TMEM267: variants seen among roughly 807,000 people sequenced by gnomAD.
TMEM267 encodes transmembrane protein C5orf28.
TMEM267 carries 20 observed loss-of-function variants against 19.3 expected under a neutral mutation model. The ratio of observed to expected loss-of-function variants is 1.04; its 90% CI spans 0.73 to 1.51. The LOEUF (loss-of-function observed/expected upper bound fraction) is 1.51. TMEM267 is among the 40% of genes most tolerant of loss of function. TMEM267 has a pLI of 0.00. For synonymous variants in TMEM267, 88 were observed against 90.3 expected (o/e 0.97, Z 0.15); for missense variants, 242 against 261.9 (o/e 0.92, Z 0.52).
chr5:43,471,270 G>A (rs983522522), intron 1 of TMEM267, among the ~76,000 whole-genome samples: 2 of 151,912 alleles, frequency 1.3e-5, no homozygotes, highest in Non-Finnish European at 2.9e-5. Flanking sequence ...GTATAAAACA[G>A]TGAAGAAAGA....
At chr5:43,470,666 C>G (rs1228536628) in intron 1 of TMEM267, among the ~76,000 whole-genome samples, 1 of 152,124 alleles carries the variant, frequency 6.6e-6, no homozygotes, top group Non-Finnish European at 1.5e-5. Flanking sequence ...AGCTTTTCCT[C>G]TAAGATCTGG....
At chr5:43,449,597 C>G (rs867283489) in intron 2 of TMEM267, among the ~76,000 whole-genome samples, 2 of 152,188 alleles carry the variant, frequency 1.3e-5, no homozygotes, top group Non-Finnish European at 2.9e-5. Context: ...AAGCCCTCCA[C>G]GCAAAAGATA....
intron 1 of TMEM267, among the ~76,000 whole-genome samples, chr5:43,474,240 A>C (rs560535015): frequency 6.6e-6 from 1 of 152,372 alleles, no homozygotes; most frequent in Non-Finnish European, 1.5e-5. Context: ...AATGGCAACA[A>C]AAGCCAAAAT....
At chr5:43,472,017 GA>G (rs1362400942) in intron 1 of TMEM267, among the ~76,000 whole-genome samples, 1 of 151,812 alleles carries the variant, frequency 6.6e-6, no homozygotes, top group Non-Finnish European at 1.5e-5. Flanking sequence ...CAGAGAACGG[GA>G]AAAAATATTT....
intron 1 of TMEM267, among the ~76,000 whole-genome samples, chr5:43,479,293 G>A (rs1744616020): frequency 6.6e-6 from 1 of 151,852 alleles, no homozygotes; most frequent in East Asian, 1.9e-4. Context: ...CTGGAAGACT[G>A]TTTATTTGGT....
chr5:43,474,773 A>T (rs1029869577), intron 1 of TMEM267, among the ~76,000 whole-genome samples: 9 of 151,992 alleles, frequency 5.9e-5, no homozygotes, highest in African/African-American at 1.7e-4. Flanking sequence ...AAAAAAAAAA[A>T]AAAAAATGAA....
chr5:43,448,184 C>T (rs1225397996), intron 2 of TMEM267, among the ~76,000 whole-genome samples: 1 of 152,188 alleles, frequency 6.6e-6, no homozygotes, highest in African/African-American at 2.4e-5. Context: ...CTCTCACCTA[C>T]GGTCTGAACA....
At chr5:43,471,386 T>C (rs1328184076) in intron 1 of TMEM267, among the ~76,000 whole-genome samples, 6 of 151,758 alleles carry the variant, frequency 4.0e-5, no homozygotes, top group South Asian at 2.1e-4. Flanking sequence ...ATAGATTCAA[T>C]GCAATCCCTA....
chr5:43,480,456 G>C (rs1240143440), intron 1 of TMEM267, among the ~76,000 whole-genome samples: 1 of 151,998 alleles, frequency 6.6e-6, no homozygotes, highest in Non-Finnish European at 1.5e-5. Flanking sequence ...TGGGACTACA[G>C]GCAAGTGCCA....
At chr5:43,452,605 GAAGAA>G (rs573039012) in intron 2 of TMEM267, among the ~76,000 whole-genome samples, 56 of 141,248 alleles carry the variant, frequency 4.0e-4, no homozygotes, top group African/African-American at 6.3e-4. Flanking sequence ...AAAAAAAACT[GAAGAA>G]AAGAAAAGTA....
At chr5:43,465,095 C>T (rs914384129) in intron 1 of TMEM267, among the ~76,000 whole-genome samples, 1 of 152,104 alleles carries the variant, frequency 6.6e-6, no homozygotes, top group Admixed American at 6.5e-5. Flanking sequence ...ACAATGAACT[C>T]AAACAAATTT....
chr5:43,445,998 G>C lies in TMEM267; in HGVS notation c.*224C>G. 1 of 285,400 alleles carries C rather than the reference G, an allele frequency of 3.5e-6. No individual in the cohort carries two copies. Among genetic ancestry groups the C allele is most frequent in the Non-Finnish European group, 6.4e-6 (1 of 155,050 alleles). The allele number at this position is 285,400 out of a possible 1,614,324, so 17.7% of individuals were successfully genotyped here. A position where few individuals can be genotyped will look rare whatever the true frequency, so the allele number is the denominator to read the frequency against. On this transcript the variant is annotated 3_prime_UTR_variant, in exon 3 of 3. Transcript: ENST00000397080. ...AGTAAAAATATATTGTGGAATAAAT[G>C]AAACTCTAATATTGCACTAGAGTTG...
rs550581516 is a variant in TMEM267 at position 43,465,423 on chromosome 5, G to C, written c.-74-11380C>G. Among the ~76,000 whole-genome samples, 1,506 of 152,242 alleles carry C rather than the reference G, an allele frequency of 9.9e-3. 27 individuals carry two copies. The highest frequency in any genetic ancestry group is 0.035 in the African/African-American group (1,461 of 41,518). On this transcript the variant is annotated intron_variant, in intron 1 of 2. Transcript: ENST00000397080. ...AGTGTGGCGATTCCTCTGGGATCTA[G>C]AACTAGAAATACCATTTGACCCAGC...
intron 1 of TMEM267, among the ~76,000 whole-genome samples, chr5:43,473,087 G>A (rs944521269): frequency 2.9e-5 from 4 of 138,804 alleles, no homozygotes; most frequent in Admixed American, 1.6e-4. Flanking sequence ...GCAGCAAGAC[G>A]AGATCACGCC....
At chr5:43,481,713 CCA>C (rs1561200914) in intron 1 of TMEM267, among the ~76,000 whole-genome samples, 1 of 152,108 alleles carries the variant, frequency 6.6e-6, no homozygotes, top group Admixed American at 6.6e-5. Context: ...TCCTTCAGCC[CCA>C]GTCAACCCTT....
At chr5:43,481,551 C>T (rs1320260717) in intron 1 of TMEM267, among the ~76,000 whole-genome samples, 2 of 152,098 alleles carry the variant, frequency 1.3e-5, no homozygotes, top group Non-Finnish European at 2.9e-5. Flanking sequence ...GCAAAATTTA[C>T]TGTTTACAAA....
In TMEM267 at chr5:43,446,220, C is replaced by T; in HGVS notation, c.*2G>A. ...TTTGCTTCTCTAAGACTGCCGTGTA[C>T]CTCAGACATCAATACGAACTCCATG... On this transcript the variant is annotated 3_prime_UTR_variant, in exon 3 of 3. Transcript: ENST00000397080. 1.9e-6 allele frequency: 3 copies of T among 1,597,152 alleles called. No individual in the cohort carries two copies. The highest frequency in any genetic ancestry group is 1.7e-6 in the Non-Finnish European group (2 of 1,166,140).
At chr5:43,483,380 A>T (rs1369948305) in intron 1 of TMEM267, among the ~76,000 whole-genome samples, 3 of 152,290 alleles carry the variant, frequency 2.0e-5, no homozygotes, top group Admixed American at 6.5e-5. Context: ...CAGGGAAAGG[A>T]CCATGTCACA....
rs1488063996 is a variant in TMEM267, at chr5:43,445,556, A to G, written c.*666T>C. 3 of 152,204 alleles carry G rather than the reference A, an allele frequency of 2.0e-5. No individual in the cohort carries two copies. The highest frequency in any genetic ancestry group is 2.9e-5 in the Non-Finnish European group (2 of 68,008). The allele number at this position is 152,204 out of a possible 1,614,324, so 9.4% of individuals were successfully genotyped here. ...AGTGCTACTGTAGCCAACATGTTTTAATAATTATTTCCTAAATTAATTTCT... is the reference window on the plus strand; with the variant it reads ...AGTGCTACTGTAGCCAACATGTTTTGATAATTATTTCCTAAATTAATTTCT... On this transcript the variant is annotated 3_prime_UTR_variant, in exon 3 of 3. Transcript: ENST00000397080.
Sources: allele counts gnomAD v4.1 joint callset (sites outside exome capture counted in the v4.1 genomes callset), GRCh38; gene constraint gnomAD v4.1.1; transcripts MANE v1.5; gene names NCBI Gene and HGNC (gene_info 2026-07-23, HGNC 2026-07-21).